The following TMEM164 variants were observed in gnomAD, a reference collection of about 807,000 sequenced individuals.
The protein encoded by TMEM164 is RP13-360B22.2.
In TMEM164, 4 loss-of-function variants were observed where a neutral mutation model predicts 18.8. The observed-to-expected ratio is 0.21, with a 90% CI of 0.10 to 0.49. The LOEUF is 0.49. Among genes scored for constraint, TMEM164 ranks in the 20% least tolerant of loss-of-function variants. TMEM164 has a pLI of 0.98. For missense variants in TMEM164, 108 were observed against 239.9 expected (o/e 0.45, Z 3.63); for synonymous variants, 86 against 101.7 (o/e 0.85, Z 0.93).
At chrX:110,144,025 C>G (rs912910048) in intron 4 of TMEM164, among the ~76,000 whole-genome samples, 2 of 111,738 alleles carry the variant, frequency 1.8e-5, no homozygotes, top group Non-Finnish European at 3.8e-5. Flanking sequence ...ACAGAGATTC[C>G]ATTTTGAGAG....
intron 4 of TMEM164, among the ~76,000 whole-genome samples, chrX:110,138,031 T>C (rs752993345): frequency 8.9e-6 from 1 of 112,176 alleles, no homozygotes; most frequent in Non-Finnish European, 1.9e-5. Flanking sequence ...CTTAGGACTG[T>C]GGGACAGGCC....
intron 3 of TMEM164, among the ~76,000 whole-genome samples, chrX:110,088,002 C>T (rs988212355): frequency 2.7e-5 from 3 of 111,947 alleles, no homozygotes; most frequent in African/African-American, 9.7e-5. Context: ...CAGCCTGACA[C>T]GTGATCTTGG....
intron 3 of TMEM164, among the ~76,000 whole-genome samples, chrX:110,086,855 A>G (rs974376229): frequency 9.0e-6 from 1 of 110,629 alleles, no homozygotes; most frequent in Non-Finnish European, 1.9e-5. Context: ...GCAGTGGGAG[A>G]CATTTGAGTA....
chrX:110,149,052 T>C (rs2066902616), intron 5 of TMEM164, among the ~76,000 whole-genome samples: 1 of 105,584 alleles, frequency 9.5e-6, no homozygotes, highest in Middle Eastern at 4.3e-3. Flanking sequence ...TGTGTTATTA[T>C]GTATGTAATA....
intron 3 of TMEM164, among the ~76,000 whole-genome samples, chrX:110,107,640 TTTCCCTTC>T (rs1184472192): frequency 9.2e-6 from 1 of 108,425 alleles, no homozygotes; most frequent in African/African-American, 3.4e-5. Context: ...TTCTTCCCTT[TTTCCCTTC>T]TTCCCTCCCC....
At chrX:110,123,406 G>A (rs2066479608) in intron 4 of TMEM164, among the ~76,000 whole-genome samples, 1 of 111,575 alleles carries the variant, frequency 9.0e-6, no homozygotes, top group South Asian at 3.7e-4. Flanking sequence ...GAAAAGGGCT[G>A]GAAAGCAAAG....
At chrX:110,153,482 G>A (rs751846381) in intron 5 of TMEM164, among the ~76,000 whole-genome samples, 4 of 112,008 alleles carry the variant, frequency 3.6e-5, no homozygotes, top group East Asian at 5.6e-4. Context: ...AGTACATCAC[G>A]TGAGGCCCAT....
At chrX:110,053,115 G>A (rs1315827803) in intron 2 of TMEM164, among the ~76,000 whole-genome samples, 1 of 111,503 alleles carries the variant, frequency 9.0e-6, no homozygotes, top group African/African-American at 3.3e-5. Flanking sequence ...TAATACAAAG[G>A]TGTGGATGGG....
chrX:110,084,237 C>T (rs1034929026), intron 3 of TMEM164, among the ~76,000 whole-genome samples: 57 of 104,152 alleles, frequency 5.5e-4, no homozygotes, highest in Non-Finnish European at 1.0e-3. Flanking sequence ...GGTGTGGTGG[C>T]TCACGCCTGT....
chrX:110,046,780 C>T (rs1425881660), intron 2 of TMEM164, among the ~76,000 whole-genome samples: 1 of 112,205 alleles, frequency 8.9e-6, no homozygotes, highest in East Asian at 2.8e-4. Context: ...TAATGTTGGG[C>T]CACTAGCAAC....
intron 3 of TMEM164, among the ~76,000 whole-genome samples, chrX:110,104,601 C>T (rs960493032): frequency 1.6e-4 from 18 of 111,794 alleles, no homozygotes; most frequent in African/African-American, 4.9e-4. Context: ...CTATTTTAGA[C>T]GACGATTCAT....
intron 2 of TMEM164, among the ~76,000 whole-genome samples, chrX:110,037,883 G>A (rs1384085801): frequency 1.8e-5 from 2 of 110,777 alleles, no homozygotes; most frequent in Non-Finnish European, 3.8e-5. Context: ...CCCTCACTCC[G>A]TCCTTTATTA....
intron 3 of TMEM164, among the ~76,000 whole-genome samples, chrX:110,103,754 T>C (rs1184581360): frequency 1.8e-5 from 2 of 111,965 alleles, no homozygotes; most frequent in African/African-American, 6.5e-5. Context: ...TGTAATATCA[T>C]GACTTTTCTT....
intron 3 of TMEM164, among the ~76,000 whole-genome samples, chrX:110,092,215 C>T (rs765983845): frequency 1.8e-4 from 20 of 111,719 alleles, no homozygotes; most frequent in African/African-American, 5.5e-4. Context: ...TCCATATGAA[C>T]TTTAAAGTAG....
At chrX:110,098,801 C>CT (rs759923336) in intron 3 of TMEM164, among the ~76,000 whole-genome samples, 2,006 of 98,775 alleles carry the variant, frequency 0.02, 56 homozygotes, top group African/African-American at 0.067. Flanking sequence ...TTTTTTTCTT[C>CT]TTTTTTTTTT....
At chrX:110,098,471 T>C (rs1464027702) in intron 3 of TMEM164, among the ~76,000 whole-genome samples, 1 of 111,533 alleles carries the variant, frequency 9.0e-6, no homozygotes, top group East Asian at 2.8e-4. Context: ...TTTTAACTTA[T>C]GAAAGTTTTT....
chrX:110,114,367 AGT>A (rs892971671), intron 4 of TMEM164, among the ~76,000 whole-genome samples: 6 of 111,766 alleles, frequency 5.4e-5, no homozygotes, highest in Non-Finnish European at 1.1e-4. Context: ...TGTGCTGTCT[AGT>A]GTGTGAGTTC....
At chrX:110,103,087 C>T (rs1273537788) in intron 3 of TMEM164, among the ~76,000 whole-genome samples, 1 of 112,396 alleles carries the variant, frequency 8.9e-6, no homozygotes, top group African/African-American at 3.2e-5. Context: ...GCTAAGCAGA[C>T]TCAGTGTAGC....
intron 5 of TMEM164, among the ~76,000 whole-genome samples, chrX:110,147,255 CTATT>C (rs1221798028): frequency 9.0e-6 from 1 of 111,196 alleles, no homozygotes; most frequent in African/African-American, 3.3e-5. Context: ...CTCTGGAACT[CTATT>C]TCTTTTTTTT....
Sources: allele counts gnomAD v4.1 joint callset (sites outside exome capture counted in the v4.1 genomes callset), GRCh38; gene constraint gnomAD v4.1.1; transcripts MANE v1.5; gene names NCBI Gene and HGNC (gene_info 2026-07-23, HGNC 2026-07-21).